ASTN2: variants seen among roughly 807,000 people sequenced by gnomAD.
ASTN2 encodes the protein astrotactin-2.
ASTN2 carries 54 observed loss-of-function variants against 139.8 expected under a neutral mutation model. That is an observed-to-expected ratio of 0.39 (90% CI 0.31 to 0.48). The LOEUF (loss-of-function observed/expected upper bound fraction) is 0.48. Ranked by LOEUF, ASTN2 falls within the 20% of genes least tolerant of loss-of-function variation. ASTN2 has a pLI of 0.95. For synonymous variants in ASTN2, 756 were observed against 719.5 expected (o/e 1.05, Z -0.81); for missense variants, 1,565 against 1,725.1 (o/e 0.91, Z 1.64).
At chr9:117,035,019 C>G (rs1838343221) in intron 6 of ASTN2, among the ~76,000 whole-genome samples, 1 of 152,136 alleles carries the variant, frequency 6.6e-6, no homozygotes, top group Non-Finnish European at 1.5e-5. Context: ...TCCTGGAAGA[C>G]AGGACCCATT....
chr9:116,624,877 T>C (rs1208257391), intron 17 of ASTN2, among the ~76,000 whole-genome samples: 1 of 151,850 alleles, frequency 6.6e-6, no homozygotes, highest in East Asian at 1.9e-4. Context: ...AAAAAAAATC[T>C]ATTATCTTTT....
rs199899357 is a variant in ASTN2 at position 116,990,162 on chromosome 9, T to C, written c.1592-13377A>G. Among the ~76,000 whole-genome samples the C allele has an allele frequency of 5.6e-4, 85 of 152,320 alleles. No homozygotes were observed. The East Asian group carries it at 6.2e-3, about 11-fold the overall frequency. ...ATGGTCTGCCTTCTTTAAGGTTCAA[T>C]ATGAAGATGAAATAAGACATGGCAC... is the stretch of plus-strand genomic sequence containing the variant. On this transcript the variant is annotated intron_variant, in intron 7 of 22. Transcript: ENST00000313400.
intron 10 of ASTN2, among the ~76,000 whole-genome samples, chr9:116,888,212 T>G (rs1245921885): frequency 6.6e-6 from 1 of 152,018 alleles, no homozygotes; most frequent in Non-Finnish European, 1.5e-5. Flanking sequence ...AAGGCTGCAG[T>G]GACCCATTGC....
chr9:116,429,539 C>A (rs566497016), intron 22 of ASTN2, among the ~76,000 whole-genome samples: 1 of 152,078 alleles, frequency 6.6e-6, no homozygotes, highest in Non-Finnish European at 1.5e-5. Context: ...AGTCAGTACA[C>A]GTCAAACTCT....
At chr9:116,992,824 C>T (rs1836896629) in intron 7 of ASTN2, among the ~76,000 whole-genome samples, 1 of 152,162 alleles carries the variant, frequency 6.6e-6, no homozygotes, top group African/African-American at 2.4e-5. Context: ...TGCTAACTAC[C>T]TCCAATACTG....
chr9:117,059,341 T>G (rs571703293), intron 5 of ASTN2, among the ~76,000 whole-genome samples: 1 of 152,050 alleles, frequency 6.6e-6, no homozygotes, highest in Non-Finnish European at 1.5e-5. Context: ...AGGCCAGGCG[T>G]GGTGGCTCAT....
At chr9:117,154,236 T>C (rs1408768391) in intron 3 of ASTN2, among the ~76,000 whole-genome samples, 3 of 152,086 alleles carry the variant, frequency 2.0e-5, no homozygotes, top group Non-Finnish European at 4.4e-5. Flanking sequence ...GGATTGAGGC[T>C]AAGTTGGCGT....
chr9:116,949,269 G>A lies in ASTN2; in HGVS notation c.1889+25939C>T, dbSNP rs116652161. On this transcript the variant is annotated intron_variant, in intron 10 of 22. Coordinates refer to ENST00000313400, the MANE Select transcript of ASTN2 (RefSeq NM_001365068.1). ...GTGGCCACCCAAAGAGCTCTAGTAT[G>A]TAGCACCTGTTTATGATATGTCAGT... is the stretch of plus-strand genomic sequence containing the variant. Among the ~76,000 whole-genome samples the A allele has an allele frequency of 8.3e-3, 1,265 of 152,250 alleles. 15 individuals carry two copies. Among genetic ancestry groups the A allele is most frequent in the African/African-American group, 0.029 (1,206 of 41,528 alleles).
intron 5 of ASTN2, among the ~76,000 whole-genome samples, chr9:117,092,009 A>G (rs1442667981): frequency 2.0e-5 from 3 of 152,142 alleles, no homozygotes; most frequent in Non-Finnish European, 4.4e-5. Context: ...GCAGAAGTTG[A>G]AGTTATAAAG....
chr9:117,127,231 C>T (rs1287639595), intron 4 of ASTN2, among the ~76,000 whole-genome samples: 3 of 152,172 alleles, frequency 2.0e-5, no homozygotes, highest in Admixed American at 1.3e-4. Context: ...TCTGCCTGAA[C>T]GCAAGATGAT....
In ASTN2 at chr9:116,944,115, C is replaced by G. The variant is rs78136364; in HGVS notation, c.1889+31093G>C. ...TTTATAACTACCTTATGGGGAAGTA[C>G]TATTATTATCTCCATTTTACAAAAA... On this transcript the variant is annotated intron_variant, in intron 10 of 22. Coordinates refer to ENST00000313400, the MANE Select transcript of ASTN2 (RefSeq NM_001365068.1). Among the ~76,000 whole-genome samples, 163 of 151,874 alleles carry G rather than the reference C, an allele frequency of 1.1e-3. 2 individuals are homozygous for G. The East Asian group carries it at 0.031, about 29-fold the overall frequency.
chr9:116,958,783 G>T (rs534538580), intron 10 of ASTN2, among the ~76,000 whole-genome samples: 2 of 152,164 alleles, frequency 1.3e-5, no homozygotes, highest in East Asian at 1.9e-4. Context: ...AATAAGCCGG[G>T]TCTAGCTGGC....
intron 1 of ASTN2, among the ~76,000 whole-genome samples, chr9:117,411,514 A>T (rs941837638): frequency 1.3e-5 from 2 of 151,356 alleles, no homozygotes; most frequent in Non-Finnish European, 2.9e-5. Flanking sequence ...GAAACAAAAG[A>T]GGCAGAATGG....
chr9:116,537,242 C>A (rs1486976836), intron 19 of ASTN2, among the ~76,000 whole-genome samples: 1 of 152,218 alleles, frequency 6.6e-6, no homozygotes, highest in Non-Finnish European at 1.5e-5. Context: ...ACACTGGGAG[C>A]TGTAGACTGG....
At chr9:117,316,577 G>T (rs1026632287) in intron 1 of ASTN2, among the ~76,000 whole-genome samples, 3 of 152,128 alleles carry the variant, frequency 2.0e-5, no homozygotes, top group African/African-American at 7.2e-5. Context: ...TAGAAGCTCT[G>T]CCCTAGAGGA....
chr9:117,337,855 AG>A (rs1828935904), intron 1 of ASTN2, among the ~76,000 whole-genome samples: 1 of 152,150 alleles, frequency 6.6e-6, no homozygotes, highest in Non-Finnish European at 1.5e-5. Flanking sequence ...TGGGAGGCCA[AG>A]GTGCTCATGA....
At chr9:117,177,663 T>C (rs1488075302) in intron 3 of ASTN2, among the ~76,000 whole-genome samples, 1 of 152,228 alleles carries the variant, frequency 6.6e-6, no homozygotes, top group African/African-American at 2.4e-5. Context: ...TCTATGTATC[T>C]ACCTGTTCAC....
intron 19 of ASTN2, among the ~76,000 whole-genome samples, chr9:116,604,141 T>C (rs1855061745): frequency 6.6e-6 from 1 of 152,174 alleles, no homozygotes; most frequent in African/African-American, 2.4e-5. Context: ...GAATTATGCC[T>C]GTCCTGTTAC....
At chr9:116,889,557 A>C (rs959143735) in intron 10 of ASTN2, among the ~76,000 whole-genome samples, 3 of 151,982 alleles carry the variant, frequency 2.0e-5, no homozygotes, top group African/African-American at 7.3e-5. Flanking sequence ...ATCCTCAGGA[A>C]TTAGAACTGG....
Sources: gnomAD v4.1 joint callset for allele counts (sites outside exome capture counted in the v4.1 genomes callset) on GRCh38, gnomAD v4.1.1 for gene constraint, MANE v1.5 for transcripts, NCBI Gene and HGNC (gene_info 2026-07-23, HGNC 2026-07-21) for gene names.